The following SAMD12 variants were observed in gnomAD, a reference collection of about 807,000 sequenced individuals.
SAMD12 encodes the protein sterile alpha motif domain containing 12.
SAMD12 carries 9 observed loss-of-function variants against 15.0 expected under a neutral mutation model. That is an observed-to-expected ratio of 0.60 (90% CI 0.36 to 1.05). SAMD12 has a LOEUF of 1.05. Ranked by LOEUF, SAMD12 falls within the 50% of genes least tolerant of loss-of-function variation. The pLI is 0.01. For missense variants in SAMD12, 230 were observed against 234.2 expected, an observed-to-expected ratio of 0.98 and a Z score of 0.12; for synonymous variants, 86 against 90.1, an observed-to-expected ratio of 0.96 and a Z score of 0.25.
chr8:118,455,305 G>A (rs1418896685), intron 2 of SAMD12, among the ~76,000 whole-genome samples: 1 of 133,620 alleles, frequency 7.5e-6, no homozygotes. Flanking sequence ...TGTTTACTCT[G>A]TTCTCCTTTC....
chr8:118,274,686 T>C (rs1375869420), intron 4 of SAMD12, among the ~76,000 whole-genome samples: 1 of 152,176 alleles, frequency 6.6e-6, no homozygotes, highest in Non-Finnish European at 1.5e-5. Flanking sequence ...TTGTAAACTT[T>C]GTATATAAAC....
intron 4 of SAMD12, among the ~76,000 whole-genome samples, chr8:118,353,187 A>G (rs80079359): frequency 0.013 from 1,952 of 150,588 alleles, 37 homozygotes; most frequent in African/African-American, 0.044. Context: ...TCTAGTGAGC[A>G]TGTTCTCTTG....
At chr8:118,220,708 A>G (rs2514965) in intron 4 of SAMD12, among the ~76,000 whole-genome samples, 77,952 of 152,082 alleles carry the variant, frequency 0.51, 21,716 homozygotes, top group Non-Finnish European at 0.63. Context: ...AGCTTGGAAC[A>G]GCAACGGAAA....
chr8:118,407,787 C>A (rs1001952908), intron 3 of SAMD12, among the ~76,000 whole-genome samples: 6 of 152,078 alleles, frequency 3.9e-5, no homozygotes, highest in African/African-American at 1.4e-4. Context: ...CCAATTGCAC[C>A]TTTGCCCCTT....
intron 4 of SAMD12, among the ~76,000 whole-genome samples, chr8:118,297,087 T>C (rs1241434302): frequency 6.6e-6 from 1 of 152,126 alleles, no homozygotes. Flanking sequence ...ATAGATATAT[T>C]AACTATGAGG....
chr8:118,547,149 G>A (rs888746448), intron 2 of SAMD12, among the ~76,000 whole-genome samples: 7 of 152,100 alleles, frequency 4.6e-5, no homozygotes, highest in Admixed American at 4.6e-4. Flanking sequence ...AGATTAGTGC[G>A]AGCTTGCCAC....
intron 4 of SAMD12, among the ~76,000 whole-genome samples, chr8:118,241,644 G>A (rs1812569317): frequency 6.6e-6 from 1 of 152,138 alleles, no homozygotes; most frequent in Admixed American, 6.5e-5. Flanking sequence ...GGCAACGGAT[G>A]AGCTCTGTGA....
the SAMD12 span, among the ~76,000 whole-genome samples, chr8:118,165,099 C>T: frequency 6.6e-6 from 1 of 151,514 alleles, no homozygotes; most frequent in African/African-American, 2.4e-5. Context: ...GCATTAGATC[C>T]CACAGGTTAA....
At chr8:118,554,201 A>G (rs935027090) in intron 2 of SAMD12, among the ~76,000 whole-genome samples, 7 of 152,232 alleles carry the variant, frequency 4.6e-5, no homozygotes, top group Non-Finnish European at 5.9e-5. Context: ...CCAAAGGCCT[A>G]TAAATCAGGC....
At chr8:118,254,226 A>G (rs543173301) in intron 4 of SAMD12, among the ~76,000 whole-genome samples, 72 of 152,266 alleles carry the variant, frequency 4.7e-4, no homozygotes, top group African/African-American at 1.7e-3. Flanking sequence ...ATCATTCTAG[A>G]GTCAATTCCC....
intron 4 of SAMD12, among the ~76,000 whole-genome samples, chr8:118,271,300 G>A (rs1029632233): frequency 6.6e-6 from 1 of 152,050 alleles, no homozygotes; most frequent in East Asian, 1.9e-4. Context: ...CAGCTCTCAT[G>A]ATACCTCACT....
At chr8:118,602,418 T>A (rs540177238) in intron 1 of SAMD12, among the ~76,000 whole-genome samples, 44 of 152,220 alleles carry the variant, frequency 2.9e-4, no homozygotes, top group East Asian at 9.6e-4. Flanking sequence ...AACACAATTT[T>A]AAAAAAACTA....
At chr8:118,321,144 AATATATATATATAT>A (rs4053452) in intron 4 of SAMD12, among the ~76,000 whole-genome samples, 2,112 of 94,476 alleles carry the variant, frequency 0.022, 57 homozygotes, top group South Asian at 0.05. Flanking sequence ...ATAGATAATA[AATATATATATATAT>A]ATATATATAT....
At chr8:118,173,422 C>T in the SAMD12 span, among the ~76,000 whole-genome samples, 98 of 152,160 alleles carry the variant, frequency 6.4e-4, no homozygotes, top group African/African-American at 2.2e-3. Context: ...GCCCCTGGAA[C>T]CTCCATCTTA....
chr8:118,615,249 C>A (rs1486218959), intron 1 of SAMD12, among the ~76,000 whole-genome samples: 2 of 152,168 alleles, frequency 1.3e-5, no homozygotes, highest in East Asian at 3.9e-4. Context: ...CTCAATGCTA[C>A]CCCTTTCGTT....
chr8:118,581,690 A>G (rs753240738), intron 1 of SAMD12, among the ~76,000 whole-genome samples: 8 of 152,196 alleles, frequency 5.3e-5, no homozygotes, highest in East Asian at 3.8e-4. Flanking sequence ...TGTACCCTGT[A>G]TTATCAAATA....
intron 2 of SAMD12, among the ~76,000 whole-genome samples, chr8:118,576,989 T>C (rs1727316774): frequency 1.3e-5 from 2 of 152,210 alleles, no homozygotes; most frequent in South Asian, 4.1e-4. Flanking sequence ...AGTTTTTTAC[T>C]CTTAAACTGG....
intron 3 of SAMD12, among the ~76,000 whole-genome samples, chr8:118,423,841 AT>A (rs1822127330): frequency 6.6e-6 from 1 of 152,234 alleles, no homozygotes; most frequent in Non-Finnish European, 1.5e-5. Flanking sequence ...TGAAGATAAA[AT>A]TAAACAATAT....
At chr8:118,470,250 T>C (rs1214998691) in intron 2 of SAMD12, among the ~76,000 whole-genome samples, 1 of 145,188 alleles carries the variant, frequency 6.9e-6, no homozygotes, top group Admixed American at 6.6e-5. Context: ...TATCTTTTTT[T>C]TTTTTTTAAA....
Sources: gnomAD v4.1 joint callset for allele counts (sites outside exome capture counted in the v4.1 genomes callset) on GRCh38, gnomAD v4.1.1 for gene constraint, MANE v1.5 for transcripts, NCBI Gene and HGNC (gene_info 2026-07-23, HGNC 2026-07-21) for gene names.